TYW3: variants seen among roughly 807,000 people sequenced by gnomAD.
TYW3 encodes tRNA wybutosine-synthesizing protein 3 homolog.
In TYW3, 26 loss-of-function variants were observed where a neutral mutation model predicts 23.1. The ratio of observed to expected loss-of-function variants is 1.13; its 90% CI spans 0.83 to 1.56. TYW3 has a LOEUF of 1.56. Among genes scored for constraint, TYW3 ranks in the 40% most tolerant of loss-of-function variants. The pLI, the probability that TYW3 is intolerant of heterozygous loss-of-function variation, is 0.00. For missense variants in TYW3, 316 were observed against 311.9 expected (o/e 1.01, Z -0.10); for synonymous variants, 102 against 105.7 (o/e 0.97, Z 0.21).
rs1345584708 is a variant in TYW3 at position 74,733,201 on chromosome 1, G to C, written c.-44G>C. On this transcript the variant is annotated 5_prime_UTR_variant, in exon 1 of 6. Transcript: ENST00000370867. The stretch of plus-strand genomic sequence containing the variant: ...TATGGCTGCCCCCAGGGAGAGACGA[G>C]GCTACCATGAAGGAGCCGAGCGCAG... The C allele has an allele frequency of 2.5e-6, 4 of 1,602,996 alleles. No individual in the cohort carries two copies. The highest frequency in any genetic ancestry group is 3.4e-6 in the Non-Finnish European group (4 of 1,174,314).
chr1:74,758,105 G>A (rs1649013099), intron 5 of TYW3, among the ~76,000 whole-genome samples: 1 of 152,180 alleles, frequency 6.6e-6, no homozygotes, highest in Non-Finnish European at 1.5e-5. Flanking sequence ...AAGAATTTCT[G>A]TTGTATCACT....
In TYW3 at chr1:74,748,788, G is replaced by A. The variant is rs371844741; in HGVS notation, c.392G>A (p.Gly131Asp). 3 of 1,613,896 alleles carry A rather than the reference G, an allele frequency of 1.9e-6. No individual in the cohort carries two copies. Among genetic ancestry groups the A allele is most frequent in the African/African-American group, 2.7e-5 (2 of 74,894 alleles). Reference protein sequence around the residue: ...MAIDSGFRNSGITVGKRGKTM... With the variant: ...MAIDSGFRNSDITVGKRGKTM... ...ATAGATTCTGGTTTCAGGAACTCTG[G>A]CATAACGGTGGGAAAGAGAGGAAAA... Residue 131 changes from glycine (G) to aspartate (D), a missense_variant, in exon 4 of 6, where the codon GGC (glycine) becomes GAC (aspartate). Physicochemically the swap from Gly to Asp is moderately conservative, Grantham distance 94. Transcript: ENST00000370867.
intron 4 of TYW3, among the ~76,000 whole-genome samples, chr1:74,749,223 C>T (rs1648693271): frequency 6.6e-6 from 1 of 152,196 alleles, no homozygotes; most frequent in Non-Finnish European, 1.5e-5. Context: ...TCAGCAGTAT[C>T]AGTGGTCCAG....
chr1:74,749,660 A>T (rs1036692118), intron 4 of TYW3, among the ~76,000 whole-genome samples: 7 of 152,212 alleles, frequency 4.6e-5, no homozygotes, highest in African/African-American at 1.4e-4. Context: ...CCCTTAAAGC[A>T]TGGCTGAATA....
At chr1:74,736,686 CA>C in intron 2 of TYW3, 64 bp downstream of exon 2, 1 of 1,277,820 alleles carries the variant, frequency 7.8e-7, no homozygotes, top group East Asian at 2.4e-5. Flanking sequence ...ATACATATGA[CA>C]AGAATAGAAA....
At chr1:74,735,686 C>G (rs1557740958) in intron 1 of TYW3, among the ~76,000 whole-genome samples, 1 of 152,132 alleles carries the variant, frequency 6.6e-6, no homozygotes, top group Non-Finnish European at 1.5e-5. Context: ...ACATTTGGCT[C>G]TAAGATTCAG....
intron 5 of TYW3, among the ~76,000 whole-genome samples, chr1:74,762,782 G>GC (rs1649173752): frequency 1.3e-5 from 2 of 152,136 alleles, no homozygotes; most frequent in Non-Finnish European, 2.9e-5. Flanking sequence ...CTAAAAGAAT[G>GC]TTGGTGTCAA....
At chr1:74,734,489 C>A (rs1173901236) in intron 1 of TYW3, among the ~76,000 whole-genome samples, 1 of 152,078 alleles carries the variant, frequency 6.6e-6, no homozygotes, top group Admixed American at 6.6e-5. Flanking sequence ...GGTGAAAGTT[C>A]TTAAGGAAAG....
chr1:74,743,048 T>C (rs1391146322), intron 3 of TYW3, among the ~76,000 whole-genome samples: 1 of 152,064 alleles, frequency 6.6e-6, no homozygotes, highest in Non-Finnish European at 1.5e-5. Context: ...TGTTGTTGGG[T>C]CAGCTGGTTG....
chr1:74,765,020 AG>A lies in TYW3; in HGVS notation c.*909del, dbSNP rs1315252808. On this transcript the variant is annotated 3_prime_UTR_variant, in exon 6 of 6. Coordinates refer to ENST00000370867, the MANE Select transcript of TYW3 (RefSeq NM_138467.3). Reference sequence around the variant, plus strand: ...ATATGGCTGCATATCAGAATTACCTAGGTCAGGACGAGGCATGGAGATGCTA... The same window carrying A: ...ATATGGCTGCATATCAGAATTACCTAGTCAGGACGAGGCATGGAGATGCTA... 1 of 152,132 alleles carries A rather than the reference AG, an allele frequency of 6.6e-6. No individual in the cohort carries two copies. Among genetic ancestry groups the A allele is most frequent in the Non-Finnish European group, 1.5e-5 (1 of 68,012 alleles). 9.4% of individuals were successfully genotyped at this position (152,132 alleles called of 1,614,324 possible). A position where few individuals can be genotyped will look rare whatever the true frequency, so the allele number is the denominator to read the frequency against.
intron 3 of TYW3, among the ~76,000 whole-genome samples, chr1:74,748,319 G>A (rs1402517406): frequency 6.6e-6 from 1 of 152,180 alleles, no homozygotes; most frequent in African/African-American, 2.4e-5. Flanking sequence ...CAGAATTTGT[G>A]TGCTTGCTAT....
chr1:74,737,256 T>C (rs1648184832), intron 2 of TYW3, among the ~76,000 whole-genome samples: 1 of 151,878 alleles, frequency 6.6e-6, no homozygotes, highest in South Asian at 2.1e-4. Flanking sequence ...CCACTTCATC[T>C]TCATCTTTAG....
chr1:74,738,808 G>A lies in TYW3; in HGVS notation c.354+20G>A, dbSNP rs774966739. 1.3e-5 allele frequency: 20 copies of A among 1,585,392 alleles called. No homozygotes were observed. The South Asian group carries it at 1.9e-4, about 15-fold the overall frequency. ...ATTCTGGTAAAATTTTGTTGTAATTGTACTTGAATTTATAGATATGTGGGT... is the reference window on the plus strand; with the variant it reads ...ATTCTGGTAAAATTTTGTTGTAATTATACTTGAATTTATAGATATGTGGGT... On this transcript the variant is annotated intron_variant, in intron 3 of 5. Transcript: ENST00000370867.
At chr1:74,750,532 C>A (rs1403333998) in intron 4 of TYW3, among the ~76,000 whole-genome samples, 1 of 151,868 alleles carries the variant, frequency 6.6e-6, no homozygotes, top group African/African-American at 2.4e-5. Context: ...CCACTGCACT[C>A]CAGCCTGGGC....
chr1:74,750,575 A>T (rs1049464632), intron 4 of TYW3, among the ~76,000 whole-genome samples: 2 of 151,752 alleles, frequency 1.3e-5, no homozygotes, highest in South Asian at 2.1e-4. Flanking sequence ...AAAATAAAAT[A>T]AAAAAAACCT....
At chr1:74,760,250 G>A (rs989485255) in intron 5 of TYW3, among the ~76,000 whole-genome samples, 8 of 151,910 alleles carry the variant, frequency 5.3e-5, no homozygotes, top group Non-Finnish European at 1.0e-4. Context: ...GGCAGAGGCA[G>A]AAGAGGTAGA....
chr1:74,760,304 C>A (rs1392763367), intron 5 of TYW3, among the ~76,000 whole-genome samples: 5 of 151,558 alleles, frequency 3.3e-5, no homozygotes, highest in South Asian at 4.2e-4. Flanking sequence ...AGCTTTTATT[C>A]AAAAAAAATC....
At chr1:74,747,868 TACACATAC>T (rs971602409) in intron 3 of TYW3, among the ~76,000 whole-genome samples, 137 of 120,020 alleles carry the variant, frequency 1.1e-3, no homozygotes, top group African/African-American at 3.5e-3. Flanking sequence ...TATGTATACA[TACACATAC>T]ACACACATAT....
chr1:74,763,463 TAATA>T (rs1216415635), intron 5 of TYW3, among the ~76,000 whole-genome samples: 2 of 152,172 alleles, frequency 1.3e-5, no homozygotes, highest in African/African-American at 2.4e-5. Flanking sequence ...ATGGATTAAT[TAATA>T]AATACATTAA....
Sources: gnomAD v4.1 joint callset for allele counts (sites outside exome capture counted in the v4.1 genomes callset) on GRCh38, gnomAD v4.1.1 for gene constraint, MANE v1.5 for transcripts, NCBI Gene and HGNC (gene_info 2026-07-23, HGNC 2026-07-21) for gene names.